The following ASTN2 variants were observed in gnomAD, a reference collection of about 807,000 sequenced individuals.
ASTN2 encodes the protein astrotactin-2.
ASTN2 carries 54 observed loss-of-function variants against 139.8 expected under a neutral mutation model. The observed-to-expected ratio is 0.39, with a 90% CI of 0.31 to 0.48. The LOEUF is 0.48. Among genes scored for constraint, ASTN2 ranks in the 20% least tolerant of loss-of-function variants. ASTN2 has a pLI of 0.95. For synonymous variants in ASTN2, 756 were observed against 719.5 expected (o/e 1.05, Z -0.81); for missense variants, 1,565 against 1,725.1 (o/e 0.91, Z 1.64).
chr9:117,055,423 C>T (rs1839030524), intron 5 of ASTN2, among the ~76,000 whole-genome samples: 1 of 152,122 alleles, frequency 6.6e-6, no homozygotes. Context: ...TTGAGATCAA[C>T]CTGAGCAACA....
intron 3 of ASTN2, among the ~76,000 whole-genome samples, chr9:117,165,823 G>A (rs1006630241): frequency 2.0e-5 from 3 of 151,998 alleles, no homozygotes; most frequent in African/African-American, 7.3e-5. Context: ...TATAAAATTG[G>A]TTGTATGGTG....
chr9:117,347,175 T>C (rs1271040120), intron 1 of ASTN2, among the ~76,000 whole-genome samples: 3 of 152,018 alleles, frequency 2.0e-5, no homozygotes, highest in Admixed American at 2.0e-4. Flanking sequence ...GCACATGCAG[T>C]GTTTCTCCAA....
intron 16 of ASTN2, among the ~76,000 whole-genome samples, chr9:116,672,979 C>T (rs947672051): frequency 6.6e-6 from 1 of 152,152 alleles, no homozygotes; most frequent in African/African-American, 2.4e-5. Context: ...GACAAGAAAA[C>T]AGGGTCTGAA....
intron 17 of ASTN2, among the ~76,000 whole-genome samples, chr9:116,641,908 C>G (rs1857349297): frequency 1.3e-5 from 2 of 151,918 alleles, no homozygotes; most frequent in Admixed American, 6.6e-5. Context: ...CGGTTCACCT[C>G]CTTCTCAGAA....
At chr9:116,459,042 C>T (rs962693615) in intron 20 of ASTN2, among the ~76,000 whole-genome samples, 7 of 151,934 alleles carry the variant, frequency 4.6e-5, no homozygotes, top group Non-Finnish European at 4.4e-5. Flanking sequence ...CTGTGAGACA[C>T]CAGTATGAGG....
intron 5 of ASTN2, among the ~76,000 whole-genome samples, chr9:117,060,436 G>GGA (rs1839237203): frequency 7.3e-5 from 3 of 41,050 alleles, no homozygotes; most frequent in African/African-American, 2.9e-4. Flanking sequence ...GGAAGGAAGA[G>GGA]AGAGAGAGAA....
At chr9:117,360,776 C>A (rs1349338224) in intron 1 of ASTN2, among the ~76,000 whole-genome samples, 1 of 132,458 alleles carries the variant, frequency 7.5e-6, no homozygotes, top group Non-Finnish European at 1.7e-5. Context: ...CCTCTCTACC[C>A]CCAGTCTCTC....
At chr9:117,228,928 T>C (rs35231881) in intron 2 of ASTN2, among the ~76,000 whole-genome samples, 53,907 of 151,718 alleles carry the variant, frequency 0.36, 10,232 homozygotes, top group Middle Eastern at 0.46. Flanking sequence ...TCCTTGAACC[T>C]GGGAGGCGGA....
intron 16 of ASTN2, chr9:116,686,791 G>A: frequency 6.4e-7 from 1 of 1,550,650 alleles, no homozygotes; most frequent in African/African-American, 1.4e-5. Context: ...TTCCTTTACA[G>A]AGCAATGTGT....
chr9:117,161,859 TTTTTC>T (rs1331652922), intron 3 of ASTN2, among the ~76,000 whole-genome samples: 1 of 103,974 alleles, frequency 9.6e-6, no homozygotes, highest in Non-Finnish European at 2.3e-5. Flanking sequence ...CACATTTTTC[TTTTTC>T]TTTTTTTTTA....
At chr9:117,325,141 C>G (rs1012716568) in intron 1 of ASTN2, among the ~76,000 whole-genome samples, 1 of 152,118 alleles carries the variant, frequency 6.6e-6, no homozygotes, top group Non-Finnish European at 1.5e-5. Flanking sequence ...AACAAGCAGA[C>G]AAGAGACGCC....
At chr9:116,439,865 C>T (rs1564278084) in intron 22 of ASTN2, among the ~76,000 whole-genome samples, 1 of 152,232 alleles carries the variant, frequency 6.6e-6, no homozygotes, top group Non-Finnish European at 1.5e-5. Context: ...CTCTACATAA[C>T]TGCCTGTTTA....
chr9:117,049,746 T>A (rs1318780455), intron 5 of ASTN2, among the ~76,000 whole-genome samples: 1 of 152,134 alleles, frequency 6.6e-6, no homozygotes, highest in Non-Finnish European at 1.5e-5. Context: ...AAAATAGAAT[T>A]TTAAAGTCAC....
At chr9:117,098,778 T>TA (rs34559407) in intron 4 of ASTN2, among the ~76,000 whole-genome samples, 12,497 of 141,952 alleles carry the variant, frequency 0.088, 615 homozygotes, top group East Asian at 0.22. Flanking sequence ...ATTTTACTGT[T>TA]AAAAAAAAAA....
intron 21 of ASTN2, among the ~76,000 whole-genome samples, chr9:116,441,228 C>T (rs906067456): frequency 6.6e-6 from 1 of 151,376 alleles, no homozygotes; most frequent in Non-Finnish European, 1.5e-5. Flanking sequence ...CTGATAGGTC[C>T]CCATTTGAAA....
intron 6 of ASTN2, among the ~76,000 whole-genome samples, chr9:117,014,293 A>G (rs1414905725): frequency 6.6e-6 from 1 of 152,132 alleles, no homozygotes; most frequent in Non-Finnish European, 1.5e-5. Flanking sequence ...CCTACCATCA[A>G]CAGAAAACTA....
intron 19 of ASTN2, among the ~76,000 whole-genome samples, chr9:116,497,765 C>A (rs530519128): frequency 4.6e-5 from 7 of 152,122 alleles, no homozygotes; most frequent in East Asian, 1.9e-4. Flanking sequence ...CTCCTCCCCC[C>A]CAATCACTCT....
At chr9:117,019,098 A>G (rs1837799284) in intron 6 of ASTN2, among the ~76,000 whole-genome samples, 1 of 151,930 alleles carries the variant, frequency 6.6e-6, no homozygotes, top group African/African-American at 2.4e-5. Flanking sequence ...TTCTGTCAAC[A>G]TACATCTCTC....
chr9:117,397,673 C>A (rs79970770), intron 1 of ASTN2, among the ~76,000 whole-genome samples: 1 of 152,130 alleles, frequency 6.6e-6, no homozygotes, highest in Non-Finnish European at 1.5e-5. Flanking sequence ...GAAATGTTTA[C>A]GGTGCGTCTA....
Sources: allele counts gnomAD v4.1 joint callset (sites outside exome capture counted in the v4.1 genomes callset), GRCh38; gene constraint gnomAD v4.1.1; transcripts MANE v1.5; gene names NCBI Gene and HGNC (gene_info 2026-07-23, HGNC 2026-07-21).